Variants in MALRD1 observed in about 807,000 individuals in gnomAD.
The protein encoded by MALRD1 is MAM and LDL receptor class A domain containing 1.
A neutral mutation model predicts 242.1 loss-of-function variants in MALRD1; 247 were observed. The observed-to-expected ratio is 1.02, with a 90% confidence interval of 0.92 to 1.13. MALRD1 has a LOEUF of 1.13. Among genes scored for constraint, MALRD1 ranks in the 50% most tolerant of loss-of-function variants. The pLI, the probability that MALRD1 is intolerant of heterozygous loss-of-function variation, is 0.00. For missense variants in MALRD1, 2,989 were observed against 2,533.1 expected, an observed-to-expected ratio of 1.18 and a Z score of -3.86; for synonymous variants, 995 against 866.6, an observed-to-expected ratio of 1.15 and a Z score of -2.60.
Position 19,203,875 on chromosome 10 carries a change from C to T in MALRD1, c.2099C>T (p.Ser700Phe). 1.3e-6 allele frequency: 2 copies of T among 1,550,452 alleles called. No individual in the cohort carries two copies. The highest frequency in any genetic ancestry group is 3.9e-5 in the Admixed American group (2 of 50,990). ...APPRDHSLNA[S>F]QGHFMFILKK... ...CCTCGGGATCATAGTCTCAACGCAT[C>T]TCAAGGTAAGAAGCAAACAGGGACT... Residue 700 changes from serine to phenylalanine, a missense_variant, in exon 15 of 40, where the codon TCT (serine) becomes TTT (phenylalanine). Transcript: ENST00000454679.
intron 28 of MALRD1, among the ~76,000 whole-genome samples, chr10:19,393,406 A>G (rs1000965466): frequency 2.7e-5 from 4 of 148,712 alleles, no homozygotes; most frequent in Non-Finnish European, 4.5e-5. Flanking sequence ...CCACTATTTT[A>G]CCTATTTTCT....
intron 36 of MALRD1, among the ~76,000 whole-genome samples, chr10:19,660,030 C>T (rs1261129442): frequency 1.3e-5 from 2 of 152,148 alleles, no homozygotes; most frequent in Admixed American, 6.6e-5. Flanking sequence ...TCGTCATATG[C>T]CCCAGTCAGT....
chr10:19,171,168 A>G (rs1263827295), intron 13 of MALRD1, among the ~76,000 whole-genome samples: 2 of 151,996 alleles, frequency 1.3e-5, no homozygotes, highest in East Asian at 1.9e-4. Flanking sequence ...TATTTTTTTC[A>G]TAGAAGGAAT....
chr10:19,342,272 T>C (rs531571679), intron 24 of MALRD1, among the ~76,000 whole-genome samples: 2 of 152,242 alleles, frequency 1.3e-5, no homozygotes, highest in African/African-American at 4.8e-5. Flanking sequence ...CTGACCTGCG[T>C]CATTACTTTG....
intron 34 of MALRD1, among the ~76,000 whole-genome samples, chr10:19,602,335 T>TCCCTCCC (rs1838396235): frequency 7.6e-6 from 1 of 131,134 alleles, no homozygotes; most frequent in Non-Finnish European, 1.6e-5. Flanking sequence ...CCTAATGCTA[T>TCCCTCCC]CCCTCCCCCC....
chr10:19,365,842 G>A (rs574613372), intron 26 of MALRD1, among the ~76,000 whole-genome samples: 13 of 151,942 alleles, frequency 8.6e-5, no homozygotes, highest in Middle Eastern at 3.2e-3. Flanking sequence ...CCAAAATAGA[G>A]AACATCTACA....
intron 28 of MALRD1, among the ~76,000 whole-genome samples, chr10:19,404,133 C>T (rs1227063090): frequency 1.3e-5 from 2 of 151,902 alleles, no homozygotes; most frequent in Non-Finnish European, 1.5e-5. Flanking sequence ...ACACAAAATA[C>T]AATGGGAGCA....
chr10:19,191,529 A>T (rs992994215), intron 14 of MALRD1, among the ~76,000 whole-genome samples: 1 of 152,208 alleles, frequency 6.6e-6, no homozygotes, highest in Non-Finnish European at 1.5e-5. Context: ...TCTCAAAGAG[A>T]TATTTGCACA....
intron 28 of MALRD1, among the ~76,000 whole-genome samples, chr10:19,421,495 G>T (rs893367858): frequency 6.6e-6 from 1 of 152,154 alleles, no homozygotes; most frequent in African/African-American, 2.4e-5. Context: ...AGGCATTACA[G>T]ATACCAAGTC....
chr10:19,275,428 G>A (rs1588833036), intron 19 of MALRD1, among the ~76,000 whole-genome samples: 1 of 152,236 alleles, frequency 6.6e-6, no homozygotes, highest in Non-Finnish European at 1.5e-5. Flanking sequence ...CAGCACTTTG[G>A]GAGGCCAAGG....
At chr10:19,645,881 TAAAA>T (rs562144315) in intron 36 of MALRD1, among the ~76,000 whole-genome samples, 1 of 151,606 alleles carries the variant, frequency 6.6e-6, no homozygotes, top group East Asian at 1.9e-4. Context: ...AGTATAATAA[TAAAA>T]AAAAAGAAAT....
chr10:19,613,053 A>G (rs1248703000), intron 35 of MALRD1, among the ~76,000 whole-genome samples: 4 of 149,492 alleles, frequency 2.7e-5, no homozygotes, highest in Non-Finnish European at 5.9e-5. Context: ...TTTTCTCACT[A>G]TCCTTCATGA....
chr10:19,723,617 C>T (rs979925761), intron 38 of MALRD1, among the ~76,000 whole-genome samples: 14 of 152,062 alleles, frequency 9.2e-5, no homozygotes, highest in African/African-American at 3.1e-4. Flanking sequence ...TGGCATGCAC[C>T]TATAGTCCCA....
intron 19 of MALRD1, among the ~76,000 whole-genome samples, chr10:19,269,852 T>A (rs1036730244): frequency 6.6e-6 from 1 of 152,232 alleles, no homozygotes; most frequent in African/African-American, 2.4e-5. Context: ...AGAGTAGTTG[T>A]CCTTTTACTT....
Position 19,548,283 on chromosome 10 carries a change from A to G in MALRD1, c.5478+16932A>G, listed in dbSNP as rs898695310. ...CAAAGTTCTGGGATTACAGGCGTGAACCACCACGCCTGGCCTACTTGAGTC... is the reference window on the plus strand; with the variant it reads ...CAAAGTTCTGGGATTACAGGCGTGAGCCACCACGCCTGGCCTACTTGAGTC... On this transcript the variant is annotated intron_variant, in intron 32 of 39. Coordinates refer to ENST00000454679, the MANE Select transcript of MALRD1 (RefSeq NM_001142308.3). Among the ~76,000 whole-genome samples, 5 of 151,908 alleles carry G rather than the reference A, an allele frequency of 3.3e-5. No homozygotes were observed. In the South Asian group the frequency reaches 1.0e-3, roughly 31 times the overall value.
chr10:19,509,393 C>G (rs1833294647), intron 31 of MALRD1, among the ~76,000 whole-genome samples: 1 of 152,136 alleles, frequency 6.6e-6, no homozygotes, highest in Non-Finnish European at 1.5e-5. Flanking sequence ...TTTTATACTC[C>G]TAAATTTGGT....
At chr10:19,559,893 T>G (rs1644767756) in intron 32 of MALRD1, among the ~76,000 whole-genome samples, 1 of 152,130 alleles carries the variant, frequency 6.6e-6, no homozygotes, top group Non-Finnish European at 1.5e-5. Context: ...GAAAAAAAGC[T>G]CATCATCACT....
At chr10:19,594,430 A>G (rs993461775) in intron 33 of MALRD1, among the ~76,000 whole-genome samples, 1 of 152,152 alleles carries the variant, frequency 6.6e-6, no homozygotes, top group Non-Finnish European at 1.5e-5. Flanking sequence ...TAGTATGGAG[A>G]TGCCTTAAAG....
chr10:19,623,382 A>G (rs886472381), intron 36 of MALRD1, among the ~76,000 whole-genome samples: 2 of 152,174 alleles, frequency 1.3e-5, no homozygotes, highest in African/African-American at 4.8e-5. Flanking sequence ...GCTGCTATTT[A>G]TCAGTGTTCT....
Sources: allele counts gnomAD v4.1 joint callset (sites outside exome capture counted in the v4.1 genomes callset), GRCh38; gene constraint gnomAD v4.1.1; transcripts MANE v1.5; gene names NCBI Gene and HGNC (gene_info 2026-07-23, HGNC 2026-07-21).